Variants in IMMP2L observed in about 807,000 individuals in gnomAD.
IMMP2L encodes the protein mitochondrial inner membrane protease subunit 2.
In IMMP2L, 18 loss-of-function variants were observed where a neutral mutation model predicts 19.3. The ratio of observed to expected loss-of-function variants is 0.93; its 90% confidence interval spans 0.64 to 1.38. The LOEUF (loss-of-function observed/expected upper bound fraction) is 1.38. Ranked by LOEUF, IMMP2L falls within the 40% of genes most tolerant of loss-of-function variation. The probability of loss-of-function intolerance (pLI) is 0.00; values close to 1 mark genes in which losing one functional copy is unlikely to be tolerated. For synonymous variants in IMMP2L, 76 were observed against 73.0 expected (o/e 1.04, Z -0.21); for missense variants, 233 against 218.2 (o/e 1.07, Z -0.43).
chr7:110,796,531 C>A (rs1431486682), intron 5 of IMMP2L, among the ~76,000 whole-genome samples: 1 of 152,008 alleles, frequency 6.6e-6, no homozygotes, highest in Admixed American at 6.6e-5. Context: ...TATTATTGGA[C>A]CAAGTTCTCA....
intron 5 of IMMP2L, among the ~76,000 whole-genome samples, chr7:110,751,931 A>G (rs1435235402): frequency 1.3e-5 from 2 of 152,028 alleles, no homozygotes. Flanking sequence ...TTTAGAACCC[A>G]CAAAATTCTC....
chr7:110,933,708 T>C (rs1270872525), intron 4 of IMMP2L, among the ~76,000 whole-genome samples: 1 of 152,188 alleles, frequency 6.6e-6, no homozygotes, highest in Non-Finnish European at 1.5e-5. Context: ...GCCTGTGGGC[T>C]CTAACTTTTT....
chr7:111,476,606 T>C (rs985189993), intron 3 of IMMP2L, among the ~76,000 whole-genome samples: 3 of 152,192 alleles, frequency 2.0e-5, no homozygotes, highest in African/African-American at 4.8e-5. Flanking sequence ...GGTCCTTCTA[T>C]AGAAATCCCA....
chr7:111,038,054 G>A (rs1482724779), intron 3 of IMMP2L, among the ~76,000 whole-genome samples: 5 of 152,026 alleles, frequency 3.3e-5, no homozygotes, highest in South Asian at 2.1e-4. Flanking sequence ...AATATTGACC[G>A]CACCATAACT....
At chr7:111,210,644 A>C (rs1811209328) in intron 3 of IMMP2L, among the ~76,000 whole-genome samples, 1 of 152,182 alleles carries the variant, frequency 6.6e-6, no homozygotes, top group Admixed American at 6.5e-5. Flanking sequence ...ATAGAAAAAA[A>C]AATACTACAT....
chr7:110,801,699 CAG>C, intron 5 of IMMP2L, among the ~76,000 whole-genome samples: 1 of 152,166 alleles, frequency 6.6e-6, no homozygotes, highest in Non-Finnish European at 1.5e-5. Flanking sequence ...TAGTCATTCA[CAG>C]AGAGAGTCCT....
intron 5 of IMMP2L, among the ~76,000 whole-genome samples, chr7:110,806,278 CT>C (rs5886578): frequency 0.96 from 146,111 of 151,816 alleles, 70,330 homozygotes; most frequent in East Asian, 0.98. Flanking sequence ...TAATTTTGGA[CT>C]TCACTTTAGA....
At chr7:111,013,078 G>A (rs748086108) in intron 3 of IMMP2L, among the ~76,000 whole-genome samples, 1 of 152,046 alleles carries the variant, frequency 6.6e-6, no homozygotes, top group Non-Finnish European at 1.5e-5. Flanking sequence ...AATCCACTGA[G>A]AGAAACAAAC....
chr7:110,927,170 C>T (rs1295933593), intron 4 of IMMP2L, among the ~76,000 whole-genome samples: 1 of 151,994 alleles, frequency 6.6e-6, no homozygotes, highest in African/African-American at 2.4e-5. Flanking sequence ...TTCTTCCTTC[C>T]CCCTCTCTCT....
intron 3 of IMMP2L, among the ~76,000 whole-genome samples, chr7:111,365,135 G>A (rs1180335801): frequency 6.6e-6 from 1 of 152,162 alleles, no homozygotes; most frequent in South Asian, 2.1e-4. Flanking sequence ...CCTTTCTGCT[G>A]CTGAACTTTT....
At chr7:111,466,820 G>A (rs1840718313) in intron 3 of IMMP2L, among the ~76,000 whole-genome samples, 1 of 151,996 alleles carries the variant, frequency 6.6e-6, no homozygotes, top group Non-Finnish European at 1.5e-5. Context: ...AAAATACAGT[G>A]TAACAACTAT....
chr7:111,327,559 T>A (rs1477477626), intron 3 of IMMP2L, among the ~76,000 whole-genome samples: 1 of 151,618 alleles, frequency 6.6e-6, no homozygotes, highest in East Asian at 1.9e-4. Flanking sequence ...TTGTAGCACT[T>A]GGCATGAGCA....
At chr7:111,302,439 A>G (rs1327013045) in intron 3 of IMMP2L, among the ~76,000 whole-genome samples, 1 of 152,160 alleles carries the variant, frequency 6.6e-6, no homozygotes, top group African/African-American at 2.4e-5. Flanking sequence ...ATGAATAATA[A>G]TAAGTACAGC....
chr7:111,378,923 T>A (rs1241584848), intron 3 of IMMP2L, among the ~76,000 whole-genome samples: 1 of 151,856 alleles, frequency 6.6e-6, no homozygotes, highest in Non-Finnish European at 1.5e-5. Flanking sequence ...TTATTCTGCA[T>A]GAGAAACAGG....
intron 3 of IMMP2L, among the ~76,000 whole-genome samples, chr7:111,085,321 CA>C (rs1246826773): frequency 6.6e-6 from 1 of 152,190 alleles, no homozygotes; most frequent in Non-Finnish European, 1.5e-5. Context: ...TTTGTGGAAT[CA>C]CTGTCTTCCA....
intron 3 of IMMP2L, among the ~76,000 whole-genome samples, chr7:111,203,440 A>G (rs1408264425): frequency 2.0e-5 from 3 of 152,122 alleles, no homozygotes; most frequent in African/African-American, 7.2e-5. Flanking sequence ...ATAGATACAG[A>G]TTATTGGGGA....
At chr7:111,013,959 T>C (rs1158422131) in intron 3 of IMMP2L, among the ~76,000 whole-genome samples, 1 of 152,122 alleles carries the variant, frequency 6.6e-6, no homozygotes, top group Non-Finnish European at 1.5e-5. Flanking sequence ...AGGGGTCAAG[T>C]CAGGAAAACT....
At chr7:111,302,817 G>A (rs1822412485) in intron 3 of IMMP2L, among the ~76,000 whole-genome samples, 1 of 152,076 alleles carries the variant, frequency 6.6e-6, no homozygotes, top group African/African-American at 2.4e-5. Flanking sequence ...TATAAGGAAA[G>A]GGTATGACAT....
intron 3 of IMMP2L, among the ~76,000 whole-genome samples, chr7:111,359,620 C>A (rs1267379532): frequency 6.6e-6 from 1 of 151,854 alleles, no homozygotes; most frequent in Non-Finnish European, 1.5e-5. Flanking sequence ...TTCATAAACA[C>A]CACAGAAATT....
Sources: allele counts gnomAD v4.1 joint callset (sites outside exome capture counted in the v4.1 genomes callset), GRCh38; gene constraint gnomAD v4.1.1; transcripts MANE v1.5; gene names NCBI Gene and HGNC (gene_info 2026-07-23, HGNC 2026-07-21).